UBASH3B: variants seen among roughly 807,000 people sequenced by gnomAD.
The protein encoded by UBASH3B is ubiquitin-associated and SH3 domain-containing protein B.
Under a neutral mutation model 83.4 loss-of-function variants are expected in UBASH3B, and 37 were observed. That is an observed-to-expected ratio of 0.44 (90% CI 0.34 to 0.58). The LOEUF (loss-of-function observed/expected upper bound fraction) is 0.58, where lower values mean the gene tolerates loss of function less well. Ranked by LOEUF, UBASH3B falls within the 20% of genes least tolerant of loss-of-function variation. UBASH3B has a pLI of 0.01. For synonymous variants in UBASH3B, 304 were observed against 318.3 expected (o/e 0.96, Z 0.48); for missense variants, 657 against 827.2 (o/e 0.79, Z 2.52).
At chr11:122,662,987 T>G (rs1322938094) in intron 1 of UBASH3B, among the ~76,000 whole-genome samples, 1 of 147,444 alleles carries the variant, frequency 6.8e-6, no homozygotes, top group Non-Finnish European at 1.5e-5. Flanking sequence ...TTTTTTTTTT[T>G]TTTTTTTGAG....
Position 122,656,015 on chromosome 11 carries a change from G to C in UBASH3B, c.-35G>C, listed in dbSNP as rs200380590. ...TCCTCCTTCCCGAACCATCCGGCTC[G>C]GGCTCCTTCCCTGGCGATGGCTGGC... On this transcript the variant is annotated 5_prime_UTR_variant, in exon 1 of 14. Transcript: ENST00000284273. 9.6e-5 allele frequency: 144 copies of C among 1,505,150 alleles called. No homozygotes were observed. The African/African-American group carries it at 2.0e-3, about 20-fold the overall frequency. 93.2% of individuals were successfully genotyped at this position (1,505,150 alleles called of 1,614,324 possible).
intron 1 of UBASH3B, among the ~76,000 whole-genome samples, chr11:122,656,652 C>A (rs1863368650): frequency 6.6e-6 from 1 of 152,182 alleles, no homozygotes; most frequent in Non-Finnish European, 1.5e-5. Context: ...TGGGAAAGGG[C>A]GGGAGACTGC....
chr11:122,788,396 C>T (rs1179749463), intron 5 of UBASH3B, among the ~76,000 whole-genome samples: 3 of 152,070 alleles, frequency 2.0e-5, no homozygotes, highest in Non-Finnish European at 2.9e-5. Flanking sequence ...TGGTGAAACC[C>T]TGTCTCTACT....
intron 9 of UBASH3B, among the ~76,000 whole-genome samples, chr11:122,797,464 C>T (rs1212024247): frequency 2.6e-5 from 4 of 152,144 alleles, no homozygotes; most frequent in African/African-American, 9.7e-5. Context: ...ATTACTGGCA[C>T]GGGGAGATAG....
chr11:122,807,868 A>G (rs1375444311), intron 12 of UBASH3B, among the ~76,000 whole-genome samples, 199 bp from the exon 13 acceptor site: 2 of 152,168 alleles, frequency 1.3e-5, no homozygotes, highest in African/African-American at 4.8e-5. Flanking sequence ...TAAATCTGTA[A>G]CTATTTTAAG....
chr11:122,783,478 C>A (rs1183186088), intron 5 of UBASH3B, among the ~76,000 whole-genome samples: 1 of 151,672 alleles, frequency 6.6e-6, no homozygotes, highest in Non-Finnish European at 1.5e-5. Flanking sequence ...GCCAATCCAA[C>A]TCCAGCAAAA....
At chr11:122,755,183 C>A (rs1041946238) in intron 1 of UBASH3B, among the ~76,000 whole-genome samples, 1 of 152,062 alleles carries the variant, frequency 6.6e-6, no homozygotes, top group African/African-American at 2.4e-5. Context: ...AGCTCTTAAG[C>A]ATATGTAGTG....
chr11:122,799,492 A>AG (rs1225587878), intron 10 of UBASH3B, among the ~76,000 whole-genome samples: 22 of 152,072 alleles, frequency 1.4e-4, no homozygotes, highest in Non-Finnish European at 3.2e-4. Flanking sequence ...CATCTCAAAA[A>AG]AAAAAAAAAA....
At chr11:122,808,531 AGC>A (rs1861381123) in intron 13 of UBASH3B, among the ~76,000 whole-genome samples, 1 of 152,222 alleles carries the variant, frequency 6.6e-6, no homozygotes, top group African/African-American at 2.4e-5. Flanking sequence ...AGCATCTGAA[AGC>A]TTAACTCAAA....
intron 1 of UBASH3B, among the ~76,000 whole-genome samples, chr11:122,676,437 G>T (rs188455180): frequency 6.6e-6 from 1 of 152,126 alleles, no homozygotes; most frequent in Non-Finnish European, 1.5e-5. Flanking sequence ...TACTCAAGAG[G>T]CTAAGGCAGG....
intron 1 of UBASH3B, among the ~76,000 whole-genome samples, chr11:122,674,779 A>G (rs1332886080): frequency 7.5e-6 from 1 of 133,284 alleles, no homozygotes; most frequent in Non-Finnish European, 1.5e-5. Flanking sequence ...CCCAGGCTGG[A>G]GTGCAGTGGC....
chr11:122,748,766 C>T (rs1211450483), intron 1 of UBASH3B, among the ~76,000 whole-genome samples: 3 of 152,198 alleles, frequency 2.0e-5, no homozygotes, highest in Non-Finnish European at 4.4e-5. Context: ...TAAGCGCCTA[C>T]CAACCCCAAA....
intron 1 of UBASH3B, among the ~76,000 whole-genome samples, chr11:122,662,663 T>A (rs905255270): frequency 2.0e-5 from 3 of 152,132 alleles, no homozygotes; most frequent in African/African-American, 7.2e-5. Context: ...ACTCCTGACC[T>A]CAGGTGATCC....
intron 1 of UBASH3B, among the ~76,000 whole-genome samples, chr11:122,723,244 G>A (rs767412924): frequency 1.1e-4 from 17 of 152,250 alleles, no homozygotes; most frequent in Non-Finnish European, 1.5e-4. Context: ...AGATTACAAA[G>A]CCCTTTTGTA....
intron 11 of UBASH3B, 127 bp downstream of exon 11, chr11:122,801,459 A>G (rs1861258329): frequency 8.8e-7 from 1 of 1,131,950 alleles, no homozygotes; most frequent in African/African-American, 1.6e-5. Context: ...AGTGGTGGAA[A>G]ACGAGCTATG....
intron 11 of UBASH3B, among the ~76,000 whole-genome samples, chr11:122,803,253 C>T (rs1174786202): frequency 6.6e-6 from 1 of 152,142 alleles, no homozygotes; most frequent in African/African-American, 2.4e-5. Flanking sequence ...AAAGGGACAG[C>T]CCCGGAGTTT....
chr11:122,674,796 G>A (rs796524648), intron 1 of UBASH3B, among the ~76,000 whole-genome samples: 1 of 139,420 alleles, frequency 7.2e-6, no homozygotes, highest in Non-Finnish European at 1.5e-5. Context: ...TGGCACAATC[G>A]CAGCTCACTG....
chr11:122,753,746 C>T (rs893523396), intron 1 of UBASH3B, among the ~76,000 whole-genome samples: 35 of 151,966 alleles, frequency 2.3e-4, no homozygotes, highest in Admixed American at 2.6e-4. Context: ...CCACCTGCCT[C>T]GGCCTCCCAA....
At chr11:122,771,763 AC>A (rs1373596558) in intron 1 of UBASH3B, among the ~76,000 whole-genome samples, 4 of 149,998 alleles carry the variant, frequency 2.7e-5, no homozygotes, top group Non-Finnish European at 4.4e-5. Context: ...ACACACACAC[AC>A]ACACACACAC....
Sources: gnomAD v4.1 joint callset for allele counts (sites outside exome capture counted in the v4.1 genomes callset) on GRCh38, gnomAD v4.1.1 for gene constraint, MANE v1.5 for transcripts, NCBI Gene and HGNC (gene_info 2026-07-23, HGNC 2026-07-21) for gene names.